NCAM2: variants seen among roughly 807,000 people sequenced by gnomAD.
NCAM2 encodes neural cell adhesion molecule 2, also known as N-CAM-2.
Under a neutral mutation model 98.1 loss-of-function variants are expected in NCAM2, and 30 were observed. That is an observed-to-expected ratio of 0.31 (90% confidence interval 0.23 to 0.41). NCAM2 has a LOEUF of 0.41. Ranked by LOEUF, NCAM2 falls within the 10% of genes least tolerant of loss-of-function variation. The pLI is 1.00. For synonymous variants in NCAM2, 368 were observed against 342.4 expected (o/e 1.07, Z -0.83); for missense variants, 867 against 1,005.8 (o/e 0.86, Z 1.87).
At chr21:21,203,719 G>A (rs897357117) in intron 1 of NCAM2, among the ~76,000 whole-genome samples, 11 of 152,126 alleles carry the variant, frequency 7.2e-5, no homozygotes, top group African/African-American at 2.7e-4. Context: ...AACAGTGTAA[G>A]TAATTAAAAT....
intron 1 of NCAM2, among the ~76,000 whole-genome samples, chr21:21,152,216 C>T (rs2067468892): frequency 6.6e-6 from 1 of 151,968 alleles, no homozygotes; most frequent in African/African-American, 2.4e-5. Flanking sequence ...CTGTTAAGCA[C>T]AGCCAGTGAG....
intron 1 of NCAM2, among the ~76,000 whole-genome samples, chr21:21,106,391 A>AT: frequency 6.7e-6 from 1 of 150,006 alleles, no homozygotes; most frequent in African/African-American, 2.5e-5. Flanking sequence ...CTTTCTTTAG[A>AT]TTTTTCTTTA....
intron 9 of NCAM2, among the ~76,000 whole-genome samples, chr21:21,378,000 C>A (rs115927507): frequency 6.6e-6 from 1 of 151,940 alleles, no homozygotes; most frequent in Non-Finnish European, 1.5e-5. Context: ...CCATGTTGTG[C>A]AAATGACAAG....
chr21:21,030,998 T>C (rs997154938), intron 1 of NCAM2, among the ~76,000 whole-genome samples: 1 of 152,170 alleles, frequency 6.6e-6, no homozygotes, highest in Admixed American at 6.5e-5. Flanking sequence ...AAATTTTTCA[T>C]TTTAAATGTT....
intron 5 of NCAM2, among the ~76,000 whole-genome samples, chr21:21,316,533 C>CTT (rs34341259): frequency 0.029 from 3,267 of 110,864 alleles, 221 homozygotes; most frequent in African/African-American, 0.061. Context: ...ATCTTTTATT[C>CTT]TTTTTTTTTT....
intron 10 of NCAM2, among the ~76,000 whole-genome samples, chr21:21,416,322 C>T (rs953555737): frequency 6.6e-6 from 1 of 151,936 alleles, no homozygotes; most frequent in African/African-American, 2.4e-5. Flanking sequence ...TACAATAGTA[C>T]CATCAAAGAT....
At chr21:21,294,330 A>G (rs549298136) in intron 5 of NCAM2, among the ~76,000 whole-genome samples, 93 of 151,954 alleles carry the variant, frequency 6.1e-4, no homozygotes, top group Non-Finnish European at 9.6e-4. Flanking sequence ...ATTTAGTTTT[A>G]TATTTCTATA....
chr21:21,153,019 G>A (rs2067493590), intron 1 of NCAM2, among the ~76,000 whole-genome samples: 1 of 151,878 alleles, frequency 6.6e-6, no homozygotes, highest in Non-Finnish European at 1.5e-5. Flanking sequence ...GGGTGATCTA[G>A]TTTTTCCCCC....
intron 1 of NCAM2, among the ~76,000 whole-genome samples, chr21:21,189,194 A>G (rs182154758): frequency 2.0e-5 from 3 of 152,306 alleles, no homozygotes; most frequent in Admixed American, 6.5e-5. Flanking sequence ...TTTGAAGCCA[A>G]ATCAATGGTA....
chr21:21,159,917 T>C (rs2067730507), intron 1 of NCAM2, among the ~76,000 whole-genome samples: 1 of 152,024 alleles, frequency 6.6e-6, no homozygotes, highest in Admixed American at 6.6e-5. Flanking sequence ...ACTCCAACAT[T>C]GGTCTGGGTG....
chr21:21,408,486 G>C (rs1350682274), intron 9 of NCAM2, among the ~76,000 whole-genome samples: 1 of 151,980 alleles, frequency 6.6e-6, no homozygotes. Flanking sequence ...GCAGAATCAA[G>C]ATTATAAAGC....
chr21:21,467,866 A>G (rs1983925892), intron 13 of NCAM2, among the ~76,000 whole-genome samples: 1 of 151,980 alleles, frequency 6.6e-6, no homozygotes, highest in Admixed American at 6.6e-5. Context: ...CCTCAAAAAA[A>G]GAATGAAGAA....
Position 21,102,449 on chromosome 21 carries a change from G to A in NCAM2, c.55+103831G>A, listed in dbSNP as rs527832351. Among the ~76,000 whole-genome samples the A allele has an allele frequency of 2.6e-5, 4 of 151,930 alleles. No individual in the cohort carries two copies. The South Asian group carries it at 8.3e-4, about 31-fold the overall frequency. The stretch of plus-strand genomic sequence containing the variant: ...AATATATGGTATAGATTTTATTAAG[G>A]TTTTGGGCGCATACAAGTATATTTG... On this transcript the variant is annotated intron_variant, in intron 1 of 17. Transcript: ENST00000400546.
At chr21:21,280,713 T>C (rs1568878564) in intron 2 of NCAM2, 61 bp downstream of exon 2, 2 of 1,106,416 alleles carry the variant, frequency 1.8e-6, no homozygotes, top group Admixed American at 5.8e-5. Flanking sequence ...TAATAAAATG[T>C]GTTGGCTAAA....
At chr21:21,421,059 T>A (rs1207500777) in intron 11 of NCAM2, among the ~76,000 whole-genome samples, 5 of 151,716 alleles carry the variant, frequency 3.3e-5, no homozygotes, top group Non-Finnish European at 1.5e-5. Flanking sequence ...TTAATATTGA[T>A]CCAGTATTGT....
chr21:21,411,572 T>TA (rs1166588511), intron 10 of NCAM2, among the ~76,000 whole-genome samples: 1 of 152,050 alleles, frequency 6.6e-6, no homozygotes, highest in Admixed American at 6.6e-5. Flanking sequence ...TTCCGAAACA[T>TA]AAAAAAATCT....
chr21:21,284,291 A>G lies in NCAM2; in HGVS notation c.228A>G (p.Ser76=), dbSNP rs2073025356. The change falls in exon 3 of 18, where the codon TCA becomes TCG. Residue 76 remains serine, a synonymous_variant. Transcript: ENST00000400546. The stretch of plus-strand genomic sequence containing the variant: ...TAGTGCAAAAGGAAGGTGTTAGGTC[A>G]CGGTTAACCATCTACAATGCAAATA... ...RVVVQKEGVR[S]RLTIYNANIE... The G allele has an allele frequency of 6.2e-7, 1 of 1,611,826 alleles. No homozygotes were observed. The highest frequency in any genetic ancestry group is 1.7e-5 in the Admixed American group (1 of 59,902).
At chr21:21,396,291 A>T (rs1331752670) in intron 9 of NCAM2, among the ~76,000 whole-genome samples, 2 of 152,208 alleles carry the variant, frequency 1.3e-5, no homozygotes, top group Non-Finnish European at 2.9e-5. Context: ...AATGCCAATC[A>T]AAACCACAAT....
chr21:21,427,334 G>A (rs1569051308), intron 11 of NCAM2, among the ~76,000 whole-genome samples: 1 of 152,144 alleles, frequency 6.6e-6, no homozygotes, highest in Non-Finnish European at 1.5e-5. Flanking sequence ...AAATTTTGGA[G>A]AAGACAAAAG....
Sources: allele counts gnomAD v4.1 joint callset (sites outside exome capture counted in the v4.1 genomes callset), GRCh38; gene constraint gnomAD v4.1.1; transcripts MANE v1.5; gene names NCBI Gene and HGNC (gene_info 2026-07-23, HGNC 2026-07-21).